Variants in HDAC9 observed in about 807,000 individuals in gnomAD.
HDAC9 encodes MEF-2 interacting transcription repressor (MITR) protein.
HDAC9 carries 41 observed loss-of-function variants against 139.4 expected under a neutral mutation model. That is an observed-to-expected ratio of 0.29 (90% CI 0.23 to 0.38). HDAC9 has a LOEUF of 0.38. Among genes scored for constraint, HDAC9 ranks in the 10% least tolerant of loss-of-function variants. The pLI is 1.00. For synonymous variants in HDAC9, 517 were observed against 476.2 expected (o/e 1.09, Z -1.12); for missense variants, 1,147 against 1,297.0 (o/e 0.88, Z 1.78).
At chr7:18,995,564 G>A (rs958294963) in intron 25 of HDAC9, among the ~76,000 whole-genome samples, 4 of 152,264 alleles carry the variant, frequency 2.6e-5, no homozygotes, top group South Asian at 2.1e-4. Context: ...AAATGCCTCC[G>A]GCAGGCAGCC....
intron 21 of HDAC9, among the ~76,000 whole-genome samples, chr7:18,843,463 G>A (rs921599050): frequency 2.0e-5 from 3 of 152,042 alleles, no homozygotes; most frequent in Admixed American, 2.0e-4. Context: ...ATGCTGATAT[G>A]AGATGGCCAG....
chr7:18,452,654 T>C (rs1192202736), intron 1 of HDAC9, among the ~76,000 whole-genome samples: 1 of 152,192 alleles, frequency 6.6e-6, no homozygotes, highest in Non-Finnish European at 1.5e-5. Context: ...TGGGAGGTAA[T>C]TGAATCATGG....
At chr7:18,480,523 G>T (rs1328422038) in intron 1 of HDAC9, among the ~76,000 whole-genome samples, 1 of 152,166 alleles carries the variant, frequency 6.6e-6, no homozygotes, top group Non-Finnish European at 1.5e-5. Context: ...GAGTGGTTAG[G>T]TAAGTAGAAG....
At chr7:18,461,144 A>G (rs1052051969) in intron 1 of HDAC9, among the ~76,000 whole-genome samples, 4 of 152,156 alleles carry the variant, frequency 2.6e-5, no homozygotes, top group African/African-American at 7.2e-5. Context: ...ACACACATAT[A>G]TTTCTCTCAG....
intron 12 of HDAC9, among the ~76,000 whole-genome samples, chr7:18,716,259 A>C (rs1283612187): frequency 6.6e-6 from 1 of 152,234 alleles, no homozygotes; most frequent in African/African-American, 2.4e-5. Context: ...TTATGTAATT[A>C]AAATAACTTC....
intron 23 of HDAC9, among the ~76,000 whole-genome samples, chr7:18,948,192 G>C (rs1782535738): frequency 6.6e-6 from 1 of 151,812 alleles, no homozygotes; most frequent in Non-Finnish European, 1.5e-5. Flanking sequence ...CTTCATTTCA[G>C]CATTGTTCAG....
At chr7:18,863,843 G>A (rs1798289372) in intron 21 of HDAC9, among the ~76,000 whole-genome samples, 2 of 152,256 alleles carry the variant, frequency 1.3e-5, no homozygotes, top group Admixed American at 1.3e-4. Flanking sequence ...ATGAGGCAAG[G>A]GAGCTAGGCC....
chr7:18,433,865 A>G (rs1790915773), intron 1 of HDAC9, among the ~76,000 whole-genome samples: 1 of 152,248 alleles, frequency 6.6e-6, no homozygotes, highest in Non-Finnish European at 1.5e-5. Context: ...TTACAGATTT[A>G]ATGCTATTCC....
chr7:18,292,423 C>T (rs1284231220), intron 1 of HDAC9, among the ~76,000 whole-genome samples: 4 of 152,088 alleles, frequency 2.6e-5, no homozygotes, highest in Admixed American at 6.6e-5. Flanking sequence ...AGATGAAAGT[C>T]GTCAGTATTC....
intron 8 of HDAC9, among the ~76,000 whole-genome samples, chr7:18,638,041 G>A (rs891381119): frequency 2.0e-5 from 3 of 152,018 alleles, no homozygotes; most frequent in Non-Finnish European, 2.9e-5. Flanking sequence ...TATTTTGGGG[G>A]TATGAATTAT....
intron 1 of HDAC9, among the ~76,000 whole-genome samples, chr7:18,295,963 C>T (rs1585045263): frequency 1.3e-5 from 2 of 152,138 alleles, no homozygotes; most frequent in South Asian, 2.1e-4. Flanking sequence ...CAGACCTGCT[C>T]AGTGCCTTGG....
At chr7:18,609,738 G>A (rs1663986777) in intron 6 of HDAC9, among the ~76,000 whole-genome samples, 1 of 151,968 alleles carries the variant, frequency 6.6e-6, no homozygotes, top group South Asian at 2.1e-4. Flanking sequence ...CCATTAACTT[G>A]TCATTTACAT....
chr7:18,178,387 C>T (rs150055272), intron 2 of HDAC9, among the ~76,000 whole-genome samples: 1 of 152,176 alleles, frequency 6.6e-6, no homozygotes, highest in Non-Finnish European at 1.5e-5. Flanking sequence ...ACCCGGCCCC[C>T]CTCTTTCTAA....
chr7:18,993,740 C>T (rs1016681815), intron 25 of HDAC9, among the ~76,000 whole-genome samples: 3 of 151,892 alleles, frequency 2.0e-5, no homozygotes, highest in African/African-American at 7.3e-5. Context: ...GAGGTTGAGG[C>T]TGCAGTTAGC....
intron 22 of HDAC9, among the ~76,000 whole-genome samples, chr7:18,881,308 A>G (rs1218118532): frequency 6.6e-6 from 1 of 152,138 alleles, no homozygotes; most frequent in Non-Finnish European, 1.5e-5. Flanking sequence ...TCTATGAGAC[A>G]TATAAACTTT....
At chr7:18,176,619 A>G (rs1562711050) in intron 2 of HDAC9, among the ~76,000 whole-genome samples, 1 of 152,208 alleles carries the variant, frequency 6.6e-6, no homozygotes. Flanking sequence ...ATGAAAGTAT[A>G]CAGCTATGAA....
chr7:18,525,678 A>T (rs999556924), intron 2 of HDAC9, among the ~76,000 whole-genome samples: 7 of 152,256 alleles, frequency 4.6e-5, no homozygotes, highest in South Asian at 2.1e-4. Context: ...CTGCTGAAAC[A>T]TAGAATATAT....
At chr7:18,179,357 T>C (rs1476764551) in intron 2 of HDAC9, among the ~76,000 whole-genome samples, 1 of 152,210 alleles carries the variant, frequency 6.6e-6, no homozygotes, top group Non-Finnish European at 1.5e-5. Context: ...AATGAGTGAC[T>C]AATTCTTAAA....
chr7:18,629,245 T>G, intron 6 of HDAC9, 105 bp from the exon 7 acceptor site: 1 of 1,065,150 alleles, frequency 9.4e-7, no homozygotes, highest in Non-Finnish European at 1.3e-6. Context: ...AGAATGAGAA[T>G]GGACCAAGAA....
Sources: allele counts gnomAD v4.1 joint callset (sites outside exome capture counted in the v4.1 genomes callset), GRCh38; gene constraint gnomAD v4.1.1; transcripts MANE v1.5; gene names NCBI Gene and HGNC (gene_info 2026-07-23, HGNC 2026-07-21).